Variants in AGAP3 observed in about 807,000 individuals in gnomAD.
The protein encoded by AGAP3 is arf-GAP with GTPase, ANK repeat and PH domain-containing protein 3.
AGAP3 carries 24 observed loss-of-function variants against 96.9 expected under a neutral mutation model. That is an observed-to-expected ratio of 0.25 (90% CI 0.18 to 0.35). The LOEUF (loss-of-function observed/expected upper bound fraction) is 0.35, where lower values mean the gene tolerates loss of function less well. Among genes scored for constraint, AGAP3 ranks in the 10% least tolerant of loss-of-function variants. The pLI, the probability that AGAP3 is intolerant of heterozygous loss-of-function variation, is 1.00. For missense variants in AGAP3, 876 were observed against 1,254.2 expected (o/e 0.70, Z 4.55); for synonymous variants, 563 against 536.1 (o/e 1.05, Z -0.69).
chr7:151,092,123 G>C (rs1027247102), intron 1 of AGAP3, among the ~76,000 whole-genome samples: 2 of 152,218 alleles, frequency 1.3e-5, no homozygotes, highest in Admixed American at 6.5e-5. Flanking sequence ...TTCTGCGAAA[G>C]ATGGGCGTCA....
intron 1 of AGAP3, among the ~76,000 whole-genome samples, chr7:151,105,792 C>CCA (rs60071807): frequency 0.082 from 2,201 of 26,898 alleles, 155 homozygotes; most frequent in African/African-American, 0.11. Flanking sequence ...CCCCCCGACA[C>CCA]CACACACACA....
chr7:151,111,274 C>G (rs961269707), intron 1 of AGAP3, among the ~76,000 whole-genome samples: 1 of 152,186 alleles, frequency 6.6e-6, no homozygotes, highest in Non-Finnish European at 1.5e-5. Context: ...GGGAGGGCCA[C>G]GGTGGTTCTG....
At chr7:151,091,931 G>A (rs541963012) in intron 1 of AGAP3, among the ~76,000 whole-genome samples, 16 of 152,206 alleles carry the variant, frequency 1.1e-4, no homozygotes, top group Non-Finnish European at 1.8e-4. Flanking sequence ...TGAAGATAAC[G>A]GAGGCAGGAG....
intron 1 of AGAP3, among the ~76,000 whole-genome samples, chr7:151,095,553 C>T (rs529861872): frequency 2.9e-4 from 44 of 152,024 alleles, no homozygotes; most frequent in Non-Finnish European, 3.5e-4. Flanking sequence ...AAAGTCTAGA[C>T]CCCTCCAGGG....
At position 151,137,009 on chromosome 7, in the gene AGAP3, G is replaced by A. The variant is rs545036282; in HGVS notation, c.1496-1134G>A. Among the ~76,000 whole-genome samples the A allele has an allele frequency of 4.6e-5, 7 of 152,358 alleles. 1 individual carries two copies. The South Asian group carries it at 1.4e-3, about 32-fold the overall frequency. On this transcript the variant is annotated intron_variant, in intron 11 of 17. Transcript: ENST00000397238. ...ACGTATGTGACTAAGCACTTACTAT[G>A]TGTCTGGTCCTCTTTGGGGTGTTGT...
intron 1 of AGAP3, among the ~76,000 whole-genome samples, chr7:151,110,292 G>A (rs1166612030): frequency 2.0e-5 from 3 of 152,260 alleles, no homozygotes; most frequent in Non-Finnish European, 4.4e-5. Flanking sequence ...GAGTTCTGTT[G>A]TGGGGGCACT....
intron 1 of AGAP3, among the ~76,000 whole-genome samples, chr7:151,100,019 G>A (rs1254444579): frequency 2.0e-5 from 3 of 152,172 alleles, no homozygotes; most frequent in Non-Finnish European, 4.4e-5. Context: ...AGCCCGCGGT[G>A]CTGCAGCAGT....
In AGAP3 at chr7:151,142,529, C is replaced by T. The variant is rs368016856; in HGVS notation, c.2168C>T (p.Pro723Leu). Residue 723 changes from proline to leucine, a missense_variant, in exon 16 of 18, where the codon CCG becomes CTG. Around this residue, in one of 8 missense-constraint regions of AGAP3, gnomAD observed 103 missense variants for 183.0 expected, o/e 0.56. Transcript: ENST00000397238. The surrounding 1 kb of genome is among the most constrained non-coding windows in gnomAD (Gnocchi z 7.5). ...CGCTCCCTTGACCTCGATGACTGGC[C>T]GCCTGAGCTGCTGGCTGTCATGACT... ...RVRSLDLDDWPPELLAVMTAM... is the reference protein window; with the variant it reads ...RVRSLDLDDWLPELLAVMTAM... 7.6e-5 allele frequency: 123 copies of T among 1,613,752 alleles called. No homozygotes were observed. Among genetic ancestry groups the T allele is most frequent in the Middle Eastern group, 4.9e-4 (3 of 6,062 alleles).
chr7:151,116,188 G>C (rs1029351298), intron 1 of AGAP3: 15 of 152,674 alleles, frequency 9.8e-5, no homozygotes, highest in Admixed American at 9.2e-4. Context: ...CTGAAGGGAA[G>C]GGAGCCCAGG....
rs1799167026 is a variant in AGAP3 at position 151,108,918 on chromosome 7, C to T, written c.332-7875C>T. ...TGGCAGGGATTAAGGGGACTCGGACCTCCTCAGAAAACACCTGTGTGTTCT... is the reference window on the plus strand; with the variant it reads ...TGGCAGGGATTAAGGGGACTCGGACTTCCTCAGAAAACACCTGTGTGTTCT... On this transcript the variant is annotated intron_variant, in intron 1 of 17. Transcript: ENST00000397238. The surrounding 1 kb of genome is among the most constrained non-coding windows in gnomAD (Gnocchi z 4.2). 6.6e-6 allele frequency among the ~76,000 whole-genome samples: 1 copy of T among 152,186 alleles called. No homozygotes were observed. Among genetic ancestry groups the T allele is most frequent in the African/African-American group, 2.4e-5 (1 of 41,454 alleles).
rs1196286754 is a variant in AGAP3, at chr7:151,143,789, A to G, written c.2582A>G (p.Tyr861Cys). The G allele has an allele frequency of 3.7e-6, 6 of 1,614,108 alleles. No individual in the cohort carries two copies. Among genetic ancestry groups the G allele is most frequent in the East Asian group, 4.5e-5 (2 of 44,886 alleles). Residue 861 changes from tyrosine (Y) to cysteine (C), a missense_variant, in exon 18 of 18, where the codon TAT (tyrosine) becomes TGT (cysteine). Tyr to Cys is a radical substitution (Grantham distance 194). Transcript: ENST00000397238. The surrounding 1 kb of genome is among the most constrained non-coding windows in gnomAD (Gnocchi z 5.9). ...GCCCGGGGCCTGACTCCACTGGCAT[A>G]TGCTCGCCGGGCCGGCAGCCAGGAG... ...RDARGLTPLA[Y>C]ARRAGSQECA...
chr7:151,131,432 A>T (rs2150515564), intron 10 of AGAP3: 1 of 152,276 alleles, frequency 6.6e-6, no homozygotes, highest in East Asian at 1.9e-4. Context: ...CTGGGGAAGA[A>T]ATTGCTGTTT....
At position 151,139,150 on chromosome 7, in the gene AGAP3, C is replaced by T. The variant is rs1318717801; in HGVS notation, c.1667-829C>T. The stretch of plus-strand genomic sequence containing the variant: ...GTAATGACAGGAAGACCCAGGGTGC[C>T]CCACTGTCACCCCAGCCATGGGTGC... On this transcript the variant is annotated intron_variant, in intron 12 of 17. Coordinates refer to ENST00000397238, the MANE Select transcript of AGAP3 (RefSeq NM_031946.7). This position sits in a 1 kb window ranked among gnomAD's most constrained non-coding sequence, Gnocchi z 4.9. Among the ~76,000 whole-genome samples the T allele has an allele frequency of 6.6e-6, 1 of 152,198 alleles. No homozygotes were observed. The highest frequency in any genetic ancestry group is 2.4e-5 in the African/African-American group (1 of 41,430).
intron 12 of AGAP3, among the ~76,000 whole-genome samples, chr7:151,138,984 T>G (rs944479430): frequency 2.0e-5 from 3 of 152,196 alleles, no homozygotes; most frequent in African/African-American, 7.2e-5. Context: ...TCTCTTTCTC[T>G]CTCTGCTTTT....
Position 151,114,830 on chromosome 7 carries a change from C to A in AGAP3, c.332-1963C>A. ...CCGGGGAGCGGCCCGCCGCTTGCCG[C>A]CGCGCCCACAGCGTCTGCGACTCGC... On this transcript the variant is annotated intron_variant, in intron 1 of 17. Transcript: ENST00000397238. This position sits in a 1 kb window ranked among gnomAD's most constrained non-coding sequence, Gnocchi z 4.4. 9.5e-7 allele frequency: 1 copy of A among 1,056,388 alleles called. No homozygotes were observed. Among genetic ancestry groups the A allele is most frequent in the Non-Finnish European group, 1.1e-6 (1 of 876,898 alleles). 65.4% of individuals were successfully genotyped at this position (1,056,388 alleles called of 1,614,324 possible). A position where few individuals can be genotyped will look rare whatever the true frequency, so the allele number is the denominator to read the frequency against.
Position 151,114,246 on chromosome 7 carries a change from C to A in AGAP3, c.332-2547C>A, listed in dbSNP as rs1799427129. Among the ~76,000 whole-genome samples the A allele has an allele frequency of 5.9e-5, 9 of 152,374 alleles. No homozygotes were observed. In the South Asian group the frequency reaches 1.9e-3, roughly 32 times the overall value. On this transcript the variant is annotated intron_variant, in intron 1 of 17. Transcript: ENST00000397238. The surrounding 1 kb of genome is among the most constrained non-coding windows in gnomAD (Gnocchi z 4.4). ...AGCTCGCGTGCTGCAGACGAGGACA[C>A]GCGCGCAGACCCGGCATGGCTGCCT...
In AGAP3 at chr7:151,099,710, T is replaced by A. The variant is rs549396155; in HGVS notation, c.331+12638T>A. On this transcript the variant is annotated intron_variant, in intron 1 of 17. Transcript: ENST00000397238. ...GTCAGTCAGCATCTTGACCACCTGCTAGGGGCTTCCCTCGGGACCGTGGGT... is the reference window on the plus strand; with the variant it reads ...GTCAGTCAGCATCTTGACCACCTGCAAGGGGCTTCCCTCGGGACCGTGGGT... Among the ~76,000 whole-genome samples, 365 of 152,348 alleles carry A rather than the reference T, an allele frequency of 2.4e-3. 3 individuals carry two copies. Among genetic ancestry groups the A allele is most frequent in the African/African-American group, 8.5e-3 (352 of 41,582 alleles).
At chr7:151,126,201 C>T (rs1293001753) in intron 9 of AGAP3, among the ~76,000 whole-genome samples, 2 of 151,822 alleles carry the variant, frequency 1.3e-5, no homozygotes, top group Admixed American at 1.3e-4. Flanking sequence ...GACCCCCTCC[C>T]CGATCACATT....
chr7:151,120,577 C>A (rs1377454540), intron 8 of AGAP3: 1 of 1,258,964 alleles, frequency 7.9e-7, no homozygotes, highest in South Asian at 1.2e-5. Context: ...GGTTAGCTGG[C>A]CCAGCTAGAG....
Sources: gnomAD v4.1 joint callset for allele counts (sites outside exome capture counted in the v4.1 genomes callset) on GRCh38, gnomAD v4.1.1 for gene constraint, gnomAD v4.1.1 regional missense constraint, Gnocchi (gnomAD v3.1) non-coding constraint, MANE v1.5 for transcripts, NCBI Gene and HGNC (gene_info 2026-07-23, HGNC 2026-07-21) for gene names.